Variants in COMMD1 observed in about 807,000 individuals in gnomAD.
COMMD1 encodes copper metabolism domain containing 1.
In COMMD1, 10 loss-of-function variants were observed where a neutral mutation model predicts 17.2. The ratio of observed to expected loss-of-function variants is 0.58; its 90% confidence interval spans 0.36 to 0.99. The LOEUF is 0.99. Among genes scored for constraint, COMMD1 ranks in the 50% least tolerant of loss-of-function variants. The probability of loss-of-function intolerance (pLI) is 0.01; values close to 1 mark genes in which losing one functional copy is unlikely to be tolerated. For missense variants in COMMD1, 270 were observed against 231.8 expected, an observed-to-expected ratio of 1.17 and a Z score of -1.07; for synonymous variants, 97 against 91.6, an observed-to-expected ratio of 1.06 and a Z score of -0.34.
intron 2 of COMMD1, among the ~76,000 whole-genome samples, chr2:62,069,184 A>G (rs1192350705): frequency 6.6e-6 from 1 of 151,962 alleles, no homozygotes; most frequent in African/African-American, 2.4e-5. Context: ...TTTTGTAGAG[A>G]CAAGGTCTCA....
upstream of COMMD1, chr2:61,888,569 C>T (rs943253852): frequency 2.5e-6 from 4 of 1,574,170 alleles, no homozygotes; most frequent in Admixed American, 7.0e-5. Context: ...TTCTGGCCGG[C>T]CGCAGTGTAA....
chr2:61,910,815 G>A (rs1173473474), intron 1 of COMMD1, among the ~76,000 whole-genome samples: 3 of 152,146 alleles, frequency 2.0e-5, no homozygotes. Flanking sequence ...CGGGCGCCAC[G>A]GCTCACGCCT....
At chr2:61,992,161 G>A (rs1033907098) in intron 1 of COMMD1, among the ~76,000 whole-genome samples, 3 of 152,058 alleles carry the variant, frequency 2.0e-5, no homozygotes, top group Admixed American at 1.3e-4. Flanking sequence ...ACAAATGCAG[G>A]TATATAAAAT....
intron 1 of COMMD1, among the ~76,000 whole-genome samples, chr2:61,911,587 G>C (rs1275848125): frequency 6.6e-6 from 1 of 152,132 alleles, no homozygotes; most frequent in African/African-American, 2.4e-5. Context: ...TCCTGCCTCA[G>C]TCTCCCAAAG....
intron 1 of COMMD1, among the ~76,000 whole-genome samples, chr2:61,931,726 C>T (rs1572974615): frequency 1.3e-5 from 2 of 152,170 alleles, no homozygotes; most frequent in Non-Finnish European, 2.9e-5. Flanking sequence ...TTACTGTGGG[C>T]TCACTGCTAC....
At chr2:62,042,904 A>G (rs555174270) in intron 2 of COMMD1, among the ~76,000 whole-genome samples, 1 of 152,336 alleles carries the variant, frequency 6.6e-6, no homozygotes, top group East Asian at 1.9e-4. Context: ...CTCTGAAGGT[A>G]TTTACAAGAA....
At chr2:62,111,655 C>G (rs905637627) in intron 2 of COMMD1, among the ~76,000 whole-genome samples, 55 of 152,064 alleles carry the variant, frequency 3.6e-4, no homozygotes, top group Admixed American at 3.6e-3. Flanking sequence ...AAGAAGAATT[C>G]TGGTTTCTAT....
chr2:62,014,584 CAG>C (rs1168381460), intron 2 of COMMD1, among the ~76,000 whole-genome samples: 1 of 72,730 alleles, frequency 1.4e-5, no homozygotes, highest in African/African-American at 6.4e-5. Flanking sequence ...TTTTTTGAGA[CAG>C]AGTCTTGCTC....
At chr2:62,129,272 C>T (rs1006192751) in intron 2 of COMMD1, among the ~76,000 whole-genome samples, 2 of 152,138 alleles carry the variant, frequency 1.3e-5, no homozygotes, top group Non-Finnish European at 2.9e-5. Context: ...AATATAATAA[C>T]CTCTCTCTCC....
At chr2:62,077,641 G>C (rs1671384229) in intron 2 of COMMD1, among the ~76,000 whole-genome samples, 1 of 151,726 alleles carries the variant, frequency 6.6e-6, no homozygotes, top group Non-Finnish European at 1.5e-5. Context: ...GTAACAAAAA[G>C]AGCCAAACTC....
upstream of COMMD1, among the ~76,000 whole-genome samples, chr2:61,900,949 A>G (rs1669643535): frequency 6.6e-6 from 1 of 152,120 alleles, no homozygotes; most frequent in Non-Finnish European, 1.5e-5. Flanking sequence ...AAACACTTTT[A>G]TTTTTATTTT....
intron 1 of COMMD1, among the ~76,000 whole-genome samples, chr2:61,983,276 G>A (rs903107251): frequency 4.0e-5 from 6 of 148,520 alleles, no homozygotes; most frequent in African/African-American, 1.5e-4. Flanking sequence ...TGCAACCTCC[G>A]CATCCTGGGT....
intron 1 of COMMD1, among the ~76,000 whole-genome samples, chr2:61,925,643 GT>G (rs1406812172): frequency 1.3e-5 from 2 of 152,084 alleles, no homozygotes; most frequent in Non-Finnish European, 2.9e-5. Context: ...ATGTAAAGAG[GT>G]TTGGGGGAAG....
intron 1 of COMMD1, among the ~76,000 whole-genome samples, chr2:61,896,053 G>A (rs954114502): frequency 2.6e-5 from 4 of 152,126 alleles, no homozygotes; most frequent in African/African-American, 9.7e-5. Flanking sequence ...GCTAAAACTA[G>A]TCTATAAAGA....
chr2:62,082,691 C>A (rs966093865), intron 2 of COMMD1, among the ~76,000 whole-genome samples: 1 of 152,114 alleles, frequency 6.6e-6, no homozygotes, highest in African/African-American at 2.4e-5. Context: ...GAAACATCGT[C>A]TCTACTAAAA....
At chr2:62,047,129 C>G (rs549973540) in intron 2 of COMMD1, among the ~76,000 whole-genome samples, 1 of 152,260 alleles carries the variant, frequency 6.6e-6, no homozygotes, top group East Asian at 1.9e-4. Context: ...CTGCATATTG[C>G]TAGTACTTTA....
intron 1 of COMMD1, chr2:61,968,954 T>C: frequency 3.0e-6 from 1 of 327,972 alleles, no homozygotes; most frequent in Non-Finnish European, 6.2e-6. Flanking sequence ...TCTTTTTTTT[T>C]TTTTTTTTTT....
intron 2 of COMMD1, among the ~76,000 whole-genome samples, chr2:62,123,323 G>A (rs1672798173): frequency 6.6e-6 from 1 of 151,690 alleles, no homozygotes; most frequent in African/African-American, 2.4e-5. Flanking sequence ...GGCCAATATG[G>A]TGAAACCCCT....
intron 2 of COMMD1, among the ~76,000 whole-genome samples, chr2:62,002,949 C>T (rs1668994525): frequency 6.6e-6 from 1 of 151,104 alleles, no homozygotes; most frequent in Non-Finnish European, 1.5e-5. Context: ...AGTCAGTTCT[C>T]TTGCTGGGCA....
Sources: gnomAD v4.1 joint callset for allele counts (sites outside exome capture counted in the v4.1 genomes callset) on GRCh38, gnomAD v4.1.1 for gene constraint, MANE v1.5 for transcripts, NCBI Gene and HGNC (gene_info 2026-07-23, HGNC 2026-07-21) for gene names.